PPIF: variants seen among roughly 807,000 people sequenced by gnomAD.
PPIF encodes peptidylprolyl isomerase F.
Under a neutral mutation model 20.2 loss-of-function variants are expected in PPIF, and 23 were observed. That is an observed-to-expected ratio of 1.14 (90% CI 0.82 to 1.61). The LOEUF is 1.61. PPIF is among the 40% of genes most tolerant of loss of function. The pLI is 0.00. For missense variants in PPIF, 287 were observed against 291.6 expected, an observed-to-expected ratio of 0.98 and a Z score of 0.11; for synonymous variants, 113 against 123.1, an observed-to-expected ratio of 0.92 and a Z score of 0.54.
At chr10:79,349,575 T>TGGGGATGTAGC in intron 2 of PPIF, 90 bp from the exon 3 acceptor site, 1 of 1,573,552 alleles carries the variant, frequency 6.4e-7, no homozygotes, top group Non-Finnish European at 8.6e-7. Flanking sequence ...TGTTCACTGC[T>TGGGGATGTAGC]GGGGATGTAG....
At position 79,352,335 on chromosome 10, in the gene PPIF, A is replaced by G; in HGVS notation, c.431A>G (p.Asn144Ser). 1 of 1,614,132 alleles carries G rather than the reference A, an allele frequency of 6.2e-7. No individual in the cohort carries two copies. The highest frequency in any genetic ancestry group is 1.1e-5 in the South Asian group (1 of 91,086). Residue 144 changes from asparagine to serine, a missense_variant, in exon 5 of 6, where the codon AAT becomes AGT. Transcript: ENST00000225174. ...HVGPGVLSMA[N>S]AGPNTNGSQF... ...TTTGCAGGTGTCCTGTCCATGGCTA[A>G]TGCTGGTCCTAACACCAACGGCTCC...
In PPIF at chr10:79,347,496, C is replaced by T. The variant is rs1263061594; in HGVS notation, c.-53C>T. 1.5e-5 allele frequency: 19 copies of T among 1,255,944 alleles called. No homozygotes were observed. The highest frequency in any genetic ancestry group is 1.8e-5 in the Non-Finnish European group (18 of 1,001,352). The allele number at this position is 1,255,944 out of a possible 1,614,324, so 77.8% of individuals were successfully genotyped here. On this transcript the variant is annotated 5_prime_UTR_variant, in exon 1 of 6. Transcript: ENST00000225174. ...TCGGCCTTCTGGGCGCGCGCGACGT[C>T]AGTTTGAGTTCTGTGTTCTCCCCGC...
rs1258018150 is a variant in PPIF at position 79,349,674 on chromosome 10, G to C, written c.236G>C (p.Arg79Thr). Residue 79 changes from arginine (R) to threonine (T), a missense_variant, in exon 3 of 6, where the codon AGA becomes ACA. Arg to Thr is a moderately conservative substitution (Grantham distance 71, BLOSUM62 -1). Coordinates refer to ENST00000225174, the MANE Select transcript of PPIF (RefSeq NM_005729.4). ...DVVPKTAENF[R>T]ALCTGEKGFG... ...TCTCTTCGACCCTCAGAGAACTTCAGAGCCCTGTGCACTGGTGAGAAGGGC... is the reference window on the plus strand; with the variant it reads ...TCTCTTCGACCCTCAGAGAACTTCACAGCCCTGTGCACTGGTGAGAAGGGC... 4 of 1,613,532 alleles carry C rather than the reference G, an allele frequency of 2.5e-6. No homozygotes were observed. In the Admixed American group the frequency reaches 5.0e-5, roughly 20 times the overall value.
Position 79,347,875 on chromosome 10 carries a change from C to T in PPIF, c.195+132C>T, listed in dbSNP as rs1399575613. The T allele has an allele frequency of 4.1e-6, 5 of 1,208,710 alleles. No individual in the cohort carries two copies. In the East Asian group the frequency reaches 1.3e-4, roughly 32 times the overall value. 74.9% of individuals were successfully genotyped at this position (1,208,710 alleles called of 1,614,324 possible). On this transcript the variant is annotated intron_variant, in intron 1 of 5. Coordinates refer to ENST00000225174, the MANE Select transcript of PPIF (RefSeq NM_005729.4). ...CATGCCGAGCTCTGGGCCTCAGTTT[C>T]CCCATTTCTGAGAATGGGCGTCAGA...
At position 79,351,542 on chromosome 10, in the gene PPIF, G is replaced by T; in HGVS notation, c.371G>T (p.Arg124Leu). 1 of 1,614,122 alleles carries T rather than the reference G, an allele frequency of 6.2e-7. No individual in the cohort carries two copies. The highest frequency in any genetic ancestry group is 1.1e-5 in the South Asian group (1 of 91,080). The change falls in exon 4 of 6, where the codon CGC becomes CTC. Residue 124 changes from arginine (R) to leucine (L), a missense_variant. Physicochemically the swap from Arg to Leu is moderately radical, Grantham distance 102. Coordinates refer to ENST00000225174, the MANE Select transcript of PPIF (RefSeq NM_005729.4). ...GGCGGGAAGTCCATCTACGGAAGCCGCTTTCCTGACGAGAACTTTACACTG... is the reference window on the plus strand; with the variant it reads ...GGCGGGAAGTCCATCTACGGAAGCCTCTTTCCTGACGAGAACTTTACACTG... ...GTGGKSIYGS[R>L]FPDENFTLKH...
rs145899672 is a variant in PPIF at position 79,349,703 on chromosome 10, G to A, written c.265G>A (p.Gly89Ser). ...CCTGTGCACTGGTGAGAAGGGCTTC[G>A]GCTACAAAGGCTCCACCTTCCACAG... ...RALCTGEKGF[G>S]YKGSTFHRVI... Residue 89 changes from glycine (G) to serine (S), a missense_variant, in exon 3 of 6, where the codon GGC becomes AGC. Transcript: ENST00000225174. The A allele has an allele frequency of 7.7e-5, 124 of 1,613,776 alleles. No individual in the cohort carries two copies. Among genetic ancestry groups the A allele is most frequent in the Non-Finnish European group, 9.8e-5 (116 of 1,180,016 alleles).
At chr10:79,351,382 G>C (rs537751772) in intron 3 of PPIF, 105 bp from the exon 4 acceptor site, 1 of 901,636 alleles carries the variant, frequency 1.1e-6, no homozygotes, top group Admixed American at 2.4e-5. Context: ...TACCTGAGGG[G>C]CGCCAACTGG....
At chr10:79,351,118 G>T (rs1855976428) in intron 3 of PPIF, among the ~76,000 whole-genome samples, 1 of 152,204 alleles carries the variant, frequency 6.6e-6, no homozygotes, top group Non-Finnish European at 1.5e-5. Context: ...ACTAGACTCG[G>T]GAACTGGGGG....
chr10:79,351,806 T>A (rs1367846526), intron 4 of PPIF: 1 of 515,922 alleles, frequency 1.9e-6, no homozygotes, highest in East Asian at 3.3e-5. Flanking sequence ...GGGAACTTTG[T>A]GGAAGAACCT....
chr10:79,349,025 C>T, intron 1 of PPIF, 51 bp from the exon 2 acceptor site: 2 of 1,613,406 alleles, frequency 1.2e-6, no homozygotes, highest in Non-Finnish European at 1.7e-6. Flanking sequence ...CACCCACCTT[C>T]ACCTGCCTCT....
At chr10:79,348,956 T>A (rs1564623468) in intron 1 of PPIF, 120 bp from the exon 2 acceptor site, 15 of 1,605,850 alleles carry the variant, frequency 9.3e-6, no homozygotes, top group Non-Finnish European at 1.2e-5. Context: ...GAATGGAATG[T>A]CCACGTGCTT....
intron 2 of PPIF, 60 bp from the exon 3 acceptor site, chr10:79,349,604 CG>C (rs2132150868): frequency 6.2e-7 from 1 of 1,602,116 alleles, no homozygotes; most frequent in East Asian, 2.2e-5. Flanking sequence ...TTGGCTGGAA[CG>C]GGTATGACCC....
chr10:79,351,280 G>A (rs876678), intron 3 of PPIF, among the ~76,000 whole-genome samples: 53 of 151,898 alleles, frequency 3.5e-4, no homozygotes, highest in African/African-American at 1.3e-3. Flanking sequence ...AGGTAGTTAC[G>A]GTGACAAAAG....
At position 79,347,613 on chromosome 10, in the gene PPIF, TGCGCC is replaced by T; in HGVS notation, c.66_70del (p.Arg23ProfsTer52). On this transcript the variant is annotated frameshift_variant, in exon 1 of 6. Coordinates refer to ENST00000225174, the MANE Select transcript of PPIF (RefSeq NM_005729.4). LOFTEE classifies it high-confidence loss of function. ...CTCTCCGTCCCGCGCTCCGTGCCGCTGCGCCTCCCCGCGGCCCGCGCCTGCAGCAA... is the reference window on the plus strand; with the variant it reads ...CTCTCCGTCCCGCGCTCCGTGCCGCTTCCCCGCGGCCCGCGCCTGCAGCAA... 6.9e-7 allele frequency: 1 copy of T among 1,440,364 alleles called. No individual in the cohort carries two copies. The highest frequency in any genetic ancestry group is 9.1e-7 in the Non-Finnish European group (1 of 1,093,252). 89.2% of individuals were successfully genotyped at this position (1,440,364 alleles called of 1,614,324 possible).
chr10:79,353,841 A>G lies in PPIF; in HGVS notation c.623A>G (p.Ter208=), dbSNP rs1390962170. The part of the protein sequence containing the change: ...IVITDCGQLS[*] ...ATCACAGACTGTGGCCAGTTGAGCTAATCTGTGGCCAGGGTGCTGGCATGG... is the reference window on the plus strand; with the variant it reads ...ATCACAGACTGTGGCCAGTTGAGCTGATCTGTGGCCAGGGTGCTGGCATGG... Residue 208 remains the stop codon, a stop_retained_variant, in exon 6 of 6, where the codon TAA becomes TGA. Transcript: ENST00000225174. The G allele has an allele frequency of 8.1e-6, 13 of 1,613,992 alleles. No individual in the cohort carries two copies. The highest frequency in any genetic ancestry group is 1.1e-5 in the Non-Finnish European group (13 of 1,179,970).
At chr10:79,349,876 T>A in intron 3 of PPIF, 123 bp downstream of exon 3, 1 of 1,511,986 alleles carries the variant, frequency 6.6e-7, no homozygotes, top group Non-Finnish European at 8.9e-7. Context: ...TCAGCCAGGC[T>A]GCCCTCCCTG....
At chr10:79,350,010 T>G (rs923209710) in intron 3 of PPIF, 1 of 676,292 alleles carries the variant, frequency 1.5e-6, no homozygotes, top group Admixed American at 3.2e-5. Context: ...GAGAGCTGGG[T>G]TGGGAGATGG....
At chr10:79,349,968 C>A in intron 3 of PPIF, 1 of 1,040,322 alleles carries the variant, frequency 9.6e-7, no homozygotes, top group Non-Finnish European at 1.3e-6. Flanking sequence ...GCAGGCCCTG[C>A]CCGGGGGACT....
chr10:79,348,828 T>C lies in PPIF; in HGVS notation c.196-248T>C, dbSNP rs142738074. Among the ~76,000 whole-genome samples the C allele has an allele frequency of 2.0e-3, 305 of 152,318 alleles. 1 individual carries two copies. Among genetic ancestry groups the C allele is most frequent in the African/African-American group, 7.0e-3 (291 of 41,578 alleles). On this transcript the variant is annotated intron_variant, in intron 1 of 5. Coordinates refer to ENST00000225174, the MANE Select transcript of PPIF (RefSeq NM_005729.4). ...CTGTGTCCACAGAAGTAGGCCAAGA[T>C]AGCATTGTCATCTCTTCTGACAGAT...
Sources: gnomAD v4.1 joint callset for allele counts (sites outside exome capture counted in the v4.1 genomes callset) on GRCh38, gnomAD v4.1.1 for gene constraint, MANE v1.5 for transcripts, NCBI Gene and HGNC (gene_info 2026-07-23, HGNC 2026-07-21) for gene names.